The following LORICRIN variants were observed in gnomAD, a reference collection of about 807,000 sequenced individuals.
LORICRIN encodes loricrin cornified envelope precursor protein.
LORICRIN carries 5 observed loss-of-function variants against 3.3 expected under a neutral mutation model. The ratio of observed to expected loss-of-function variants is 1.52; its 90% CI spans 0.79 to 3.19. The LOEUF is 3.19. LORICRIN is among the 30% of genes most tolerant of loss of function. The pLI, the probability that LORICRIN is intolerant of heterozygous loss-of-function variation, is 0.00. For missense variants in LORICRIN, 524 were observed against 460.2 expected, an observed-to-expected ratio of 1.14 and a Z score of -1.27; for synonymous variants, 237 against 231.4, an observed-to-expected ratio of 1.02 and a Z score of -0.22.
chr1:153,260,280 T>C (rs1173575833), intron 1 of LORICRIN, among the ~76,000 whole-genome samples: 3 of 152,204 alleles, frequency 2.0e-5, no homozygotes, highest in African/African-American at 7.2e-5. Context: ...AGATGGCTAA[T>C]AGCTTCTGGT....
Position 153,261,703 on chromosome 1 carries a change from T to G in LORICRIN, c.754T>G (p.Cys252Gly). The change falls in exon 2 of 2, where the codon TGC becomes GGC. Residue 252 changes from cysteine to glycine, a missense_variant. Cys to Gly is a radical substitution (Grantham distance 159, BLOSUM62 -3). Coordinates refer to ENST00000368742, the MANE Select transcript of LORICRIN (RefSeq NM_000427.3). ...SSGGGGGSSG[C>G]GGGSSGIGSG... ...CGGCGGGGGCGGCGGGAGCTCCGGC[T>G]GCGGCGGCGGCTCCTCCGGGATTGG... The G allele has an allele frequency of 6.6e-7, 1 of 1,512,304 alleles. No individual in the cohort carries two copies. The highest frequency in any genetic ancestry group is 8.8e-7 in the Non-Finnish European group (1 of 1,140,910). 93.7% of individuals were successfully genotyped at this position (1,512,304 alleles called of 1,614,324 possible).
rs539202861 is a variant in LORICRIN at position 153,259,688 on chromosome 1, C to A, written c.-69C>A. On this transcript the variant is annotated 5_prime_UTR_variant, in exon 1 of 2. Coordinates refer to ENST00000368742, the MANE Select transcript of LORICRIN (RefSeq NM_000427.3). ...AACCTCAGGAGATCAGTGCTCCTCA[C>A]ATTGCCAGCATCTTCTCTCCTCACT... 6.6e-6 allele frequency: 1 copy of A among 152,326 alleles called. No homozygotes were observed. Among genetic ancestry groups the A allele is most frequent in the Non-Finnish European group, 1.5e-5 (1 of 68,130 alleles). 9.4% of individuals were successfully genotyped at this position (152,326 alleles called of 1,614,324 possible).
chr1:153,260,850 T>G, intron 1 of LORICRIN, 77 bp from the exon 2 acceptor site: 3 of 1,032,860 alleles, frequency 2.9e-6, no homozygotes, highest in Non-Finnish European at 4.4e-6. Flanking sequence ...AGGATGGCGA[T>G]GTTGCCTATG....
chr1:153,260,564 A>T (rs922549800), intron 1 of LORICRIN, among the ~76,000 whole-genome samples: 2 of 152,188 alleles, frequency 1.3e-5, no homozygotes, highest in African/African-American at 2.4e-5. Flanking sequence ...CACTCAGAGA[A>T]TCAGTGTTGA....
chr1:153,261,700 G>T lies in LORICRIN; in HGVS notation c.751G>T (p.Gly251Cys), dbSNP rs755311042. Residue 251 changes from glycine (G) to cysteine (C), a missense_variant, in exon 2 of 2, where the codon GGC becomes TGC. Physicochemically the swap from Gly to Cys is radical, Grantham distance 159. Coordinates refer to ENST00000368742, the MANE Select transcript of LORICRIN (RefSeq NM_000427.3). ...FSSGGGGGSSGCGGGSSGIGS... is the reference protein window; with the variant it reads ...FSSGGGGGSSCCGGGSSGIGS... ...CAGCGGCGGGGGCGGCGGGAGCTCC[G>T]GCTGCGGCGGCGGCTCCTCCGGGAT... The T allele has an allele frequency of 6.6e-7, 1 of 1,510,098 alleles. No individual in the cohort carries two copies. The highest frequency in any genetic ancestry group is 8.8e-7 in the Non-Finnish European group (1 of 1,139,528). The allele number at this position is 1,510,098 out of a possible 1,614,324, so 93.5% of individuals were successfully genotyped here. A position where few individuals can be genotyped will look rare whatever the true frequency, so the allele number is the denominator to read the frequency against.
chr1:153,261,995 C>A lies in LORICRIN; in HGVS notation c.*107C>A. The stretch of plus-strand genomic sequence containing the variant: ...CCCGAGGTTTGCAAATCCTTCATGT[C>A]TTAACCTACCTGGAAGAAGCCATTG... On this transcript the variant is annotated 3_prime_UTR_variant, in exon 2 of 2. Transcript: ENST00000368742. 1 of 1,185,606 alleles carries A rather than the reference C, an allele frequency of 8.4e-7. No homozygotes were observed. The highest frequency in any genetic ancestry group is 1.2e-6 in the Non-Finnish European group (1 of 813,700). 73.4% of individuals were successfully genotyped at this position (1,185,606 alleles called of 1,614,324 possible).
In LORICRIN at chr1:153,262,011, G is replaced by A; in HGVS notation, c.*123G>A. On this transcript the variant is annotated 3_prime_UTR_variant, in exon 2 of 2. Transcript: ENST00000368742. ...CCTTCATGTCTTAACCTACCTGGAA[G>A]AAGCCATTGAGCTCTCCGGCTGCAT... is the stretch of plus-strand genomic sequence containing the variant. The A allele has an allele frequency of 9.4e-7, 1 of 1,066,896 alleles. No individual in the cohort carries two copies. Among genetic ancestry groups the A allele is most frequent in the Non-Finnish European group, 1.4e-6 (1 of 706,082 alleles). 66.1% of individuals were successfully genotyped at this position (1,066,896 alleles called of 1,614,324 possible). A position where few individuals can be genotyped will look rare whatever the true frequency, so the allele number is the denominator to read the frequency against.
Position 153,262,047 on chromosome 1 carries a change from T to G in LORICRIN, c.*159T>G. The G allele has an allele frequency of 1.2e-6, 1 of 818,828 alleles. No homozygotes were observed. The highest frequency in any genetic ancestry group is 2.0e-6 in the Non-Finnish European group (1 of 493,786). 50.7% of individuals were successfully genotyped at this position (818,828 alleles called of 1,614,324 possible). On this transcript the variant is annotated 3_prime_UTR_variant, in exon 2 of 2. Transcript: ENST00000368742. ...GCTCTCCGGCTGCATCTAGTTCTGC[T>G]GTTTAGCCTCTTTGGTTTCTGTACA...
At position 153,261,755 on chromosome 1, in the gene LORICRIN, G is replaced by T. The variant is rs764835985; in HGVS notation, c.806G>T (p.Gly269Val). The T allele has an allele frequency of 8.2e-6, 13 of 1,578,474 alleles. No individual in the cohort carries two copies. Among genetic ancestry groups the T allele is most frequent in the East Asian group, 2.3e-5 (1 of 42,684 alleles). Residue 269 changes from glycine to valine, a missense_variant, in exon 2 of 2, where the codon GGC (glycine) becomes GTC (valine). Physicochemically the swap from Gly to Val is moderately radical, Grantham distance 109. Transcript: ENST00000368742. ...AGCGGCTGCATCATCAGTGGCGGGG[G>T]CTCCGTCTGCGGAGGTGGTTCCTCT... ...IGSGCIISGGGSVCGGGSSGG... is the reference protein window; with the variant it reads ...IGSGCIISGGVSVCGGGSSGG...
chr1:153,261,702 C>G lies in LORICRIN; in HGVS notation c.753C>G (p.Gly251=). ...FSSGGGGGSS[G]CGGGSSGIGS... Reference sequence around the variant, plus strand: ...GCGGCGGGGGCGGCGGGAGCTCCGGCTGCGGCGGCGGCTCCTCCGGGATTG... The same window carrying G: ...GCGGCGGGGGCGGCGGGAGCTCCGGGTGCGGCGGCGGCTCCTCCGGGATTG... Residue 251 remains glycine (G), a synonymous_variant, in exon 2 of 2, where the codon GGC becomes GGG. Transcript: ENST00000368742. The G allele has an allele frequency of 6.6e-7, 1 of 1,516,908 alleles. No individual in the cohort carries two copies. The highest frequency in any genetic ancestry group is 1.4e-5 in the African/African-American group (1 of 70,182). 94.0% of individuals were successfully genotyped at this position (1,516,908 alleles called of 1,614,324 possible). A position where few individuals can be genotyped will look rare whatever the true frequency, so the allele number is the denominator to read the frequency against.
In LORICRIN at chr1:153,261,440, T is replaced by A. The variant is rs1249656283; in HGVS notation, c.491T>A (p.Val164Asp). The A allele has an allele frequency of 7.3e-7, 1 of 1,361,190 alleles. No homozygotes were observed. Among genetic ancestry groups the A allele is most frequent in the Non-Finnish European group, 9.5e-7 (1 of 1,055,392 alleles). 84.3% of individuals were successfully genotyped at this position (1,361,190 alleles called of 1,614,324 possible). ...GTCCAGTGCCAGAGCTACGGAGGCG[T>A]CTCTAGCGGCGGCTCCTCCGGGGGC... Reference protein sequence around the residue: ...QAVQCQSYGGVSSGGSSGGGS... With the variant: ...QAVQCQSYGGDSSGGSSGGGS... Residue 164 changes from valine to aspartate, a missense_variant, in exon 2 of 2, where the codon GTC (valine) becomes GAC (aspartate). By Grantham distance (152) the Val-to-Asp change is radical. Coordinates refer to ENST00000368742, the MANE Select transcript of LORICRIN (RefSeq NM_000427.3).
rs1553191262 is a variant in LORICRIN at position 153,261,139 on chromosome 1, TGCGGCGGGGGCTCCTCCG to T, written c.202_219del (p.Ser68_Gly73del). Reference sequence around the variant, plus strand: ...CGGCGGTGGCTACTCTGGCGGCGGCTGCGGCGGGGGCTCCTCCGGCGGCGGGGGCGGGGGCGGCATTGG... The same window carrying T: ...CGGCGGTGGCTACTCTGGCGGCGGCTGCGGCGGGGGCGGGGGCGGCATTGG... On this transcript the variant is annotated inframe_deletion, in exon 2 of 2. Transcript: ENST00000368742. 3 of 1,301,552 alleles carry T rather than the reference TGCGGCGGGGGCTCCTCCG, an allele frequency of 2.3e-6. No individual in the cohort carries two copies. Among genetic ancestry groups the T allele is most frequent in the Middle Eastern group, 2.7e-4 (1 of 3,648 alleles). 80.6% of individuals were successfully genotyped at this position (1,301,552 alleles called of 1,614,324 possible). A position where few individuals can be genotyped will look rare whatever the true frequency, so the allele number is the denominator to read the frequency against.
chr1:153,259,788 G>A (rs1049029130), intron 1 of LORICRIN, 55 bp downstream of exon 1: 3 of 152,304 alleles, frequency 2.0e-5, no homozygotes, highest in South Asian at 2.1e-4. Flanking sequence ...GCCCAGGCCT[G>A]ACTAGATTAG....
At chr1:153,260,557 T>C (rs905585672) in intron 1 of LORICRIN, among the ~76,000 whole-genome samples, 1 of 152,188 alleles carries the variant, frequency 6.6e-6, no homozygotes, top group Admixed American at 6.5e-5. Flanking sequence ...CTATTTGCAC[T>C]CAGAGAATCA....
In LORICRIN at chr1:153,261,236, C is replaced by G; in HGVS notation, c.287C>G (p.Ser96Cys). 1 of 1,366,662 alleles carries G rather than the reference C, an allele frequency of 7.3e-7. No individual in the cohort carries two copies. The highest frequency in any genetic ancestry group is 3.1e-5 in the East Asian group (1 of 32,674). The allele number at this position is 1,366,662 out of a possible 1,614,324, so 84.7% of individuals were successfully genotyped here. A position where few individuals can be genotyped will look rare whatever the true frequency, so the allele number is the denominator to read the frequency against. Residue 96 changes from serine (S) to cysteine (C), a missense_variant, in exon 2 of 2, where the codon TCC (serine) becomes TGC (cysteine). Ser to Cys is a moderately radical substitution (Grantham distance 112, BLOSUM62 -1). Coordinates refer to ENST00000368742, the MANE Select transcript of LORICRIN (RefSeq NM_000427.3). ...GSVKYSGGGGSSGGGSGCFSS... is the reference protein window; with the variant it reads ...GSVKYSGGGGCSGGGSGCFSS... ...GTCAAGTACTCCGGAGGCGGCGGCTCCTCCGGCGGGGGCTCTGGCTGTTTC... is the reference window on the plus strand; with the variant it reads ...GTCAAGTACTCCGGAGGCGGCGGCTGCTCCGGCGGGGGCTCTGGCTGTTTC...
Position 153,262,048 on chromosome 1 carries a change from GT to G in LORICRIN, c.*163del. Reference sequence around the variant, plus strand: ...CTCTCCGGCTGCATCTAGTTCTGCTGTTTAGCCTCTTTGGTTTCTGTACAAC... The same window carrying G: ...CTCTCCGGCTGCATCTAGTTCTGCTGTTAGCCTCTTTGGTTTCTGTACAAC... On this transcript the variant is annotated 3_prime_UTR_variant, in exon 2 of 2. Coordinates refer to ENST00000368742, the MANE Select transcript of LORICRIN (RefSeq NM_000427.3). 1.2e-6 allele frequency: 1 copy of G among 816,098 alleles called. No individual in the cohort carries two copies. Among genetic ancestry groups the G allele is most frequent in the Non-Finnish European group, 2.0e-6 (1 of 491,776 alleles). 50.6% of individuals were successfully genotyped at this position (816,098 alleles called of 1,614,324 possible). A position where few individuals can be genotyped will look rare whatever the true frequency, so the allele number is the denominator to read the frequency against.
In LORICRIN at chr1:153,261,693, G is replaced by C; in HGVS notation, c.744G>C (p.Gly248=). The change falls in exon 2 of 2, where the codon GGG becomes GGC. Residue 248 remains glycine, a synonymous_variant. Transcript: ENST00000368742. ...SGCFSSGGGG[G]SSGCGGGSSG... is the part of the protein sequence containing the mutation. ...GCTTCTCCAGCGGCGGGGGCGGCGG[G>C]AGCTCCGGCTGCGGCGGCGGCTCCT... is the stretch of plus-strand genomic sequence containing the variant. 1 of 1,492,060 alleles carries C rather than the reference G, an allele frequency of 6.7e-7. No homozygotes were observed. Among genetic ancestry groups the C allele is most frequent in the South Asian group, 1.3e-5 (1 of 78,474 alleles). 92.4% of individuals were successfully genotyped at this position (1,492,060 alleles called of 1,614,324 possible). A position where few individuals can be genotyped will look rare whatever the true frequency, so the allele number is the denominator to read the frequency against.
chr1:153,261,342 C>A lies in LORICRIN; in HGVS notation c.393C>A (p.Ser131Arg). The change falls in exon 2 of 2, where the codon AGC becomes AGA. Residue 131 changes from serine to arginine, a missense_variant. Physicochemically the swap from Ser to Arg is moderately radical, Grantham distance 110. Coordinates refer to ENST00000368742, the MANE Select transcript of LORICRIN (RefSeq NM_000427.3). ...GGGGCGGCTCCGGCTGCTTCTCCAG[C>A]GGTGGGGGCGGCTCCTCCGGGGGCG... Reference protein sequence around the residue: ...SSGGGSGCFSSGGGGSSGGGS... With the variant: ...SSGGGSGCFSRGGGGSSGGGS... 1 of 1,474,928 alleles carries A rather than the reference C, an allele frequency of 6.8e-7. No individual in the cohort carries two copies. Among genetic ancestry groups the A allele is most frequent in the South Asian group, 1.3e-5 (1 of 77,658 alleles). The allele number at this position is 1,474,928 out of a possible 1,614,324, so 91.4% of individuals were successfully genotyped here.
Position 153,261,725 on chromosome 1 carries a change from T to C in LORICRIN, c.776T>C (p.Ile259Thr), listed in dbSNP as rs1387812529. The C allele has an allele frequency of 3.2e-6, 5 of 1,565,744 alleles. No individual in the cohort carries two copies. In the African/African-American group the frequency reaches 7.1e-5, roughly 22 times the overall value. ...GGCTGCGGCGGCGGCTCCTCCGGGATTGGCAGCGGCTGCATCATCAGTGGC... is the reference window on the plus strand; with the variant it reads ...GGCTGCGGCGGCGGCTCCTCCGGGACTGGCAGCGGCTGCATCATCAGTGGC... ...SSGCGGGSSG[I>T]GSGCIISGGG... is the part of the protein sequence containing the mutation. Residue 259 changes from isoleucine (I) to threonine (T), a missense_variant, in exon 2 of 2, where the codon ATT becomes ACT. By Grantham distance (89) the Ile-to-Thr change is moderately conservative. Coordinates refer to ENST00000368742, the MANE Select transcript of LORICRIN (RefSeq NM_000427.3).
Sources: allele counts gnomAD v4.1 joint callset (sites outside exome capture counted in the v4.1 genomes callset), GRCh38; gene constraint gnomAD v4.1.1; transcripts MANE v1.5; gene names NCBI Gene and HGNC (gene_info 2026-07-23, HGNC 2026-07-21).